Variants in NDEL1 observed in about 807,000 individuals in gnomAD.
NDEL1 encodes nudE neurodevelopment protein 1 like 1, also known as nuclear distribution protein nudE-like 1.
NDEL1 carries 9 observed loss-of-function variants against 45.7 expected under a neutral mutation model. The ratio of observed to expected loss-of-function variants is 0.20; its 90% CI spans 0.12 to 0.34. The LOEUF is 0.34. NDEL1 is among the 10% of genes least tolerant of loss of function. The pLI is 1.00. For missense variants in NDEL1, 306 were observed against 406.2 expected, an observed-to-expected ratio of 0.75 and a Z score of 2.12; for synonymous variants, 133 against 158.6, an observed-to-expected ratio of 0.84 and a Z score of 1.21.
chr17:8,413,702 G>T (rs923037351), intron 1 of NDEL1, among the ~76,000 whole-genome samples: 3 of 152,190 alleles, frequency 2.0e-5, no homozygotes, highest in Non-Finnish European at 4.4e-5. Flanking sequence ...CTGGGACCTT[G>T]ACTTCACTGC....
At chr17:8,445,542 A>G (rs1366359823) in intron 2 of NDEL1, among the ~76,000 whole-genome samples, 169 bp from the exon 3 acceptor site, 2 of 152,202 alleles carry the variant, frequency 1.3e-5, no homozygotes, top group African/African-American at 2.4e-5. Context: ...TGTCGTTTTC[A>G]TTGAACCCTG....
Position 8,450,939 on chromosome 17 carries a change from T to G in NDEL1, c.686T>G (p.Phe229Cys). 1 of 1,609,910 alleles carries G rather than the reference T, an allele frequency of 6.2e-7. No homozygotes were observed. The highest frequency in any genetic ancestry group is 8.5e-7 in the Non-Finnish European group (1 of 1,178,740). The part of the protein sequence containing the change: ...TPVGKGTENT[F>C]PSPKAIPNGF... Reference sequence around the variant, plus strand: ...GTTGGCAAAGGAACGGAGAACACTTTTCCTTCACCGAAAGGTTTGTAATGT... The same window carrying G: ...GTTGGCAAAGGAACGGAGAACACTTGTCCTTCACCGAAAGGTTTGTAATGT... Residue 229 changes from phenylalanine (F) to cysteine (C), a missense_variant, in exon 6 of 9, where the codon TTT becomes TGT. Transcript: ENST00000334527.
chr17:8,441,863 C>T (rs1033442848), intron 1 of NDEL1, among the ~76,000 whole-genome samples: 3 of 152,088 alleles, frequency 2.0e-5, no homozygotes, highest in Non-Finnish European at 4.4e-5. Flanking sequence ...TTCTTTTGTA[C>T]TTGTCTCAGG....
chr17:8,435,833 T>A (rs1567724713), upstream of NDEL1: 1 of 444,230 alleles, frequency 2.3e-6, no homozygotes, highest in Admixed American at 2.4e-5. Context: ...CTGCCGCGCA[T>A]GCTCCGAGCC....
In NDEL1 at chr17:8,445,883, G is replaced by A. The variant is rs749583438; in HGVS notation, c.240+19G>A. 3.4e-5 allele frequency: 51 copies of A among 1,479,320 alleles called. No individual in the cohort carries two copies. Among genetic ancestry groups the A allele is most frequent in the African/African-American group, 7.3e-5 (5 of 68,452 alleles). The allele number at this position is 1,479,320 out of a possible 1,614,324, so 91.6% of individuals were successfully genotyped here. ...ATTAAAGGTAATTGCAGCAGTAGAC[G>A]CTGGGGTCTAATGTGTTGAGTTTTA... On this transcript the variant is annotated intron_variant, in intron 3 of 8. Transcript: ENST00000334527.
At chr17:8,437,144 T>G (rs1909404233) in intron 1 of NDEL1, among the ~76,000 whole-genome samples, 1 of 152,182 alleles carries the variant, frequency 6.6e-6, no homozygotes, top group South Asian at 2.1e-4. Flanking sequence ...TGCTAAATCG[T>G]GAAGTTGATG....
At chr17:8,428,901 C>T (rs1597515150) in intron 1 of NDEL1, among the ~76,000 whole-genome samples, 2 of 151,894 alleles carry the variant, frequency 1.3e-5, no homozygotes, top group Admixed American at 6.6e-5. Flanking sequence ...TCTCGATCTC[C>T]TGACCTTGTG....
At chr17:8,419,694 A>G (rs977456175) in intron 1 of NDEL1, among the ~76,000 whole-genome samples, 1 of 152,224 alleles carries the variant, frequency 6.6e-6, no homozygotes, top group African/African-American at 2.4e-5. Context: ...GGAAAAAGGA[A>G]AAAGGTAAAC....
At chr17:8,447,224 C>G (rs1452799617) in intron 4 of NDEL1, among the ~76,000 whole-genome samples, 2 of 152,228 alleles carry the variant, frequency 1.3e-5, no homozygotes, top group Non-Finnish European at 2.9e-5. Flanking sequence ...CTCACTGCAA[C>G]CTCTGCCTCC....
chr17:8,452,803 G>A (rs1039416474), intron 6 of NDEL1, among the ~76,000 whole-genome samples: 4 of 134,634 alleles, frequency 3.0e-5, no homozygotes, highest in Non-Finnish European at 6.1e-5. Context: ...GCAATGGTGC[G>A]ATCTTGGCTC....
chr17:8,435,819 T>C, upstream of NDEL1: 2 of 441,172 alleles, frequency 4.5e-6, no homozygotes, highest in Non-Finnish European at 9.1e-6. Context: ...CGCATACCCG[T>C]GCGCTGCCGC....
intron 1 of NDEL1, among the ~76,000 whole-genome samples, chr17:8,424,677 TG>T (rs1908784275): frequency 6.6e-6 from 1 of 152,196 alleles, no homozygotes; most frequent in African/African-American, 2.4e-5. Flanking sequence ...AATTTTTTTT[TG>T]TATTTTTAGT....
At chr17:8,469,877 TTTGTA>T (rs1297220704), downstream of NDEL1, among the ~76,000 whole-genome samples, 3 of 150,020 alleles carry the variant, frequency 2.0e-5, no homozygotes, top group African/African-American at 7.3e-5. Context: ...TTTTTTTTTT[TTTGTA>T]TTTTTAGTAG....
intron 1 of NDEL1, among the ~76,000 whole-genome samples, chr17:8,415,808 C>T (rs762316096): frequency 6.6e-6 from 1 of 152,040 alleles, no homozygotes; most frequent in African/African-American, 2.4e-5. Flanking sequence ...AGTGTGATGG[C>T]GCGATCTCAG....
intron 1 of NDEL1, among the ~76,000 whole-genome samples, chr17:8,440,243 C>T (rs537744287): frequency 7.2e-4 from 110 of 152,170 alleles, no homozygotes; most frequent in Middle Eastern, 3.4e-3. Context: ...TGTGACCAGG[C>T]GCGGTGGCTC....
rs143764875 is a variant in NDEL1 at position 8,461,764 on chromosome 17, C to G, written c.944+1604C>G. Among the ~76,000 whole-genome samples, 393 of 152,172 alleles carry G rather than the reference C, an allele frequency of 2.6e-3. 1 individual carries two copies. Among genetic ancestry groups the G allele is most frequent in the Non-Finnish European group, 4.5e-3 (305 of 68,008 alleles). ...TCTTCATAAATGTTGGAAGCAGTGC[C>G]TAATTATTTTTCCCTACAACTTATA... On this transcript the variant is annotated intron_variant, in intron 8 of 8. Coordinates refer to ENST00000334527, the MANE Select transcript of NDEL1 (RefSeq NM_030808.5).
intron 1 of NDEL1, among the ~76,000 whole-genome samples, chr17:8,437,168 G>A (rs1909405800): frequency 6.6e-6 from 1 of 152,146 alleles, no homozygotes; most frequent in Admixed American, 6.5e-5. Flanking sequence ...ACAGTGCAGC[G>A]TTAAGTCATG....
Position 8,440,622 on chromosome 17 carries a change from A to T in NDEL1, c.-12-3638A>T, listed in dbSNP as rs547550347. Among the ~76,000 whole-genome samples, 10 of 152,352 alleles carry T rather than the reference A, an allele frequency of 6.6e-5. No individual in the cohort carries two copies. In the South Asian group the frequency reaches 1.0e-3, roughly 16 times the overall value. ...AAGAGGATGCAAGGGCTAGAACTAG[A>T]TTCTCAAAAAGTTTCATGCAAAAGG... On this transcript the variant is annotated intron_variant, in intron 1 of 8. Transcript: ENST00000334527.
chr17:8,472,484 C>G (rs796892419), downstream of NDEL1, among the ~76,000 whole-genome samples: 9 of 152,256 alleles, frequency 5.9e-5, no homozygotes, highest in East Asian at 1.4e-3. Flanking sequence ...CATGGTGAAA[C>G]CCCGTTTCTA....
Sources: gnomAD v4.1 joint callset for allele counts (sites outside exome capture counted in the v4.1 genomes callset) on GRCh38, gnomAD v4.1.1 for gene constraint, MANE v1.5 for transcripts, NCBI Gene and HGNC (gene_info 2026-07-23, HGNC 2026-07-21) for gene names.